The following CFAP100 variants were observed in gnomAD, a reference collection of about 807,000 sequenced individuals.
CFAP100 encodes cilia and flagella associated protein 100, also known as cilia- and flagella-associated protein 100.
In CFAP100, 70 loss-of-function variants were observed where a neutral mutation model predicts 81.5. The observed-to-expected ratio is 0.86, with a 90% CI of 0.71 to 1.05. The LOEUF (loss-of-function observed/expected upper bound fraction) is 1.05. CFAP100 is among the 50% of genes least tolerant of loss of function. The probability of loss-of-function intolerance (pLI) is 0.00; values close to 1 mark genes in which losing one functional copy is unlikely to be tolerated. For missense variants in CFAP100, 811 were observed against 776.5 expected (o/e 1.04, Z -0.53); for synonymous variants, 341 against 314.8 (o/e 1.08, Z -0.88).
intron 2 of CFAP100, among the ~76,000 whole-genome samples, chr3:126,405,123 A>C (rs1260708843): frequency 6.6e-6 from 1 of 152,026 alleles, no homozygotes; most frequent in Non-Finnish European, 1.5e-5. Context: ...CTCATCCCCA[A>C]ACTGAACCTC....
intron 3 of CFAP100, among the ~76,000 whole-genome samples, chr3:126,411,498 T>C (rs1393473744): frequency 1.3e-5 from 2 of 151,722 alleles, no homozygotes; most frequent in Admixed American, 6.6e-5. Flanking sequence ...TACCAATTCT[T>C]CTTTGAATGT....
intron 13 of CFAP100, among the ~76,000 whole-genome samples, chr3:126,430,190 A>G (rs1318611581): frequency 2.6e-5 from 4 of 152,098 alleles, no homozygotes; most frequent in Admixed American, 2.6e-4. Context: ...CTGGATATCT[A>G]TTTTCCTCTC....
At chr3:126,415,661 G>A (rs879415882) in intron 4 of CFAP100, among the ~76,000 whole-genome samples, 4 of 152,156 alleles carry the variant, frequency 2.6e-5, no homozygotes, top group Non-Finnish European at 4.4e-5. Context: ...TCTACGTGAA[G>A]AGACTCCCGG....
intron 13 of CFAP100, among the ~76,000 whole-genome samples, chr3:126,430,490 C>CAATAAA (rs903094349): frequency 1.3e-5 from 2 of 152,036 alleles, no homozygotes; most frequent in African/African-American, 4.8e-5. Flanking sequence ...CATTATGTAT[C>CAATAAA]AATAAAAATA....
At position 126,419,838 on chromosome 3, in the gene CFAP100, G is replaced by GA; in HGVS notation, c.913+20_913+21insA. Reference sequence around the variant, plus strand: ...ACAAAGGTAGCAGAAAAGAGAATGTGGGTTCCCAGGTGGGCTCTGCCAGTG... The same window carrying GA: ...ACAAAGGTAGCAGAAAAGAGAATGTGAGGTTCCCAGGTGGGCTCTGCCAGTG... On this transcript the variant is annotated intron_variant, in intron 9 of 16. Coordinates refer to ENST00000352312, the MANE Select transcript of CFAP100 (RefSeq NM_182628.3). 1 of 1,612,376 alleles carries GA rather than the reference G, an allele frequency of 6.2e-7. No homozygotes were observed. Among genetic ancestry groups the GA allele is most frequent in the Non-Finnish European group, 8.5e-7 (1 of 1,179,464 alleles).
In CFAP100 at chr3:126,419,308, G is replaced by A. The variant is rs866409731; in HGVS notation, c.731+152G>A. Reference sequence around the variant, plus strand: ...ATGAGGCTGTTGCCCATTTATAGACGAGGGGAGTGAGACCAAGAGAGATTC... The same window carrying A: ...ATGAGGCTGTTGCCCATTTATAGACAAGGGGAGTGAGACCAAGAGAGATTC... On this transcript the variant is annotated intron_variant, in intron 8 of 16. Transcript: ENST00000352312. 1.3e-4 allele frequency: 84 copies of A among 625,108 alleles called. 1 individual carries two copies. The highest frequency in any genetic ancestry group is 4.4e-4 in the Admixed American group (14 of 31,976). 38.7% of individuals were successfully genotyped at this position (625,108 alleles called of 1,614,324 possible). A position where few individuals can be genotyped will look rare whatever the true frequency, so the allele number is the denominator to read the frequency against.
intron 13 of CFAP100, among the ~76,000 whole-genome samples, chr3:126,429,027 T>G (rs1933072119): frequency 6.8e-6 from 1 of 146,912 alleles, no homozygotes; most frequent in Non-Finnish European, 1.5e-5. Flanking sequence ...GAGAATTGCT[T>G]GAATCCAGGA....
intron 13 of CFAP100, among the ~76,000 whole-genome samples, chr3:126,430,454 TACC>T (rs1933166937): frequency 6.6e-6 from 1 of 152,156 alleles, no homozygotes; most frequent in South Asian, 2.1e-4. Context: ...ATGAATATAT[TACC>T]ACAGGTACTC....
rs890127142 is a variant in CFAP100, at chr3:126,416,427, G to T, written c.337G>T (p.Glu113Ter). Residue 113 changes from glutamate (E) to a stop codon, truncating the protein, a stop_gained, in exon 5 of 17, where the codon GAG becomes TAG. Transcript: ENST00000352312. LOFTEE classifies it high-confidence loss of function. ...RRQLQLEDKQ[E>*]DLEARAEAEH... ...GCAGCTGCAGCTGGAGGACAAGCAG[G>T]AGGACCTGGAGGCGCGCGCCGAGGC... The T allele has an allele frequency of 3.7e-6, 6 of 1,611,616 alleles. No individual in the cohort carries two copies. The highest frequency in any genetic ancestry group is 4.2e-6 in the Non-Finnish European group (5 of 1,179,402).
At position 126,436,545 on chromosome 3, in the gene CFAP100, T is replaced by C. The variant is rs1933454921; in HGVS notation, c.*141T>C. The C allele has an allele frequency of 1.4e-5, 9 of 638,798 alleles. No individual in the cohort carries two copies. Among genetic ancestry groups the C allele is most frequent in the Non-Finnish European group, 2.5e-5 (9 of 356,360 alleles). The allele number at this position is 638,798 out of a possible 1,614,324, so 39.6% of individuals were successfully genotyped here. Reference sequence around the variant, plus strand: ...TCCCTTCCTCACCTGAATAAATTCATGTCTCTCTGGAGTCTTGAAGGCCTG... The same window carrying C: ...TCCCTTCCTCACCTGAATAAATTCACGTCTCTCTGGAGTCTTGAAGGCCTG... On this transcript the variant is annotated 3_prime_UTR_variant, in exon 17 of 17. Transcript: ENST00000352312.
chr3:126,411,557 T>C (rs944928972), intron 3 of CFAP100, among the ~76,000 whole-genome samples: 4 of 151,926 alleles, frequency 2.6e-5, no homozygotes, highest in Admixed American at 2.0e-4. Flanking sequence ...TTTTTTTTTG[T>C]TGGCAATTTT....
chr3:126,418,903 C>A, intron 7 of CFAP100, 129 bp downstream of exon 7: 2 of 1,244,528 alleles, frequency 1.6e-6, no homozygotes, highest in African/African-American at 1.5e-5. Context: ...CAGGGCCGGT[C>A]GGGAGCCAAG....
chr3:126,398,771 C>T (rs1357400684), intron 2 of CFAP100, among the ~76,000 whole-genome samples: 1 of 152,232 alleles, frequency 6.6e-6, no homozygotes, highest in Non-Finnish European at 1.5e-5. Flanking sequence ...ATGCAGCCCA[C>T]ATCAGGCCAC....
chr3:126,429,821 G>C (rs190682234), intron 13 of CFAP100, among the ~76,000 whole-genome samples: 1 of 152,162 alleles, frequency 6.6e-6, no homozygotes, highest in African/African-American at 2.4e-5. Flanking sequence ...TCAACTTGTA[G>C]AACTCTCTTT....
intron 3 of CFAP100, among the ~76,000 whole-genome samples, chr3:126,411,493 AT>A (rs1276385917): frequency 1.3e-5 from 2 of 149,794 alleles, no homozygotes; most frequent in Non-Finnish European, 3.0e-5. Context: ...ATTGGTACCA[AT>A]TCTTCTTTGA....
At chr3:126,416,966 G>T (rs1469538578) in intron 5 of CFAP100, 3 of 152,764 alleles carry the variant, frequency 2.0e-5, no homozygotes, top group Non-Finnish European at 4.4e-5. Flanking sequence ...AAAACTTAGT[G>T]TCTATAGGGT....
intron 8 of CFAP100, 127 bp downstream of exon 8, chr3:126,419,283 A>C: frequency 1.5e-6 from 1 of 650,278 alleles, no homozygotes; most frequent in South Asian, 2.0e-5. Context: ...CTCTGCTTCC[A>C]TGAGGCTGTT....
chr3:126,415,862 A>G (rs116286516), intron 4 of CFAP100, among the ~76,000 whole-genome samples: 5,222 of 152,218 alleles, frequency 0.034, 91 homozygotes, highest in South Asian at 0.062. Context: ...CAGGAGCTGG[A>G]GTGGGGTGGA....
chr3:126,434,452 C>A, intron 15 of CFAP100, 71 bp downstream of exon 15: 2 of 1,469,014 alleles, frequency 1.4e-6, no homozygotes, highest in Non-Finnish European at 1.9e-6. Flanking sequence ...ACATACAGGC[C>A]CCACCCTCAA....
Sources: gnomAD v4.1 joint callset for allele counts (sites outside exome capture counted in the v4.1 genomes callset) on GRCh38, gnomAD v4.1.1 for gene constraint, MANE v1.5 for transcripts, NCBI Gene and HGNC (gene_info 2026-07-23, HGNC 2026-07-21) for gene names.